The following ANXA2 variants were observed in gnomAD, a reference collection of about 807,000 sequenced individuals.
The protein encoded by ANXA2 is annexin A2.
In ANXA2, 28 loss-of-function variants were observed where a neutral mutation model predicts 47.3. The observed-to-expected ratio is 0.59, with a 90% CI of 0.44 to 0.81. The LOEUF is 0.81. ANXA2 is among the 40% of genes least tolerant of loss of function. The pLI, the probability that ANXA2 is intolerant of heterozygous loss-of-function variation, is 0.00. For synonymous variants in ANXA2, 172 were observed against 155.5 expected (o/e 1.11, Z -0.79); for missense variants, 384 against 414.3 (o/e 0.93, Z 0.64).
chr15:60,394,895 G>T (rs1213487354), intron 1 of ANXA2, among the ~76,000 whole-genome samples: 2 of 152,132 alleles, frequency 1.3e-5, no homozygotes, highest in African/African-American at 4.8e-5. Flanking sequence ...GCAGTGAATG[G>T]GTGGAAAGAA....
chr15:60,395,651 A>G (rs760198285), intron 1 of ANXA2: 1 of 152,232 alleles, frequency 6.6e-6, no homozygotes, highest in Non-Finnish European at 1.5e-5. Flanking sequence ...GCCTAATGTC[A>G]ATCAATACCA....
At chr15:60,368,298 G>C (rs1175276989) in intron 3 of ANXA2, among the ~76,000 whole-genome samples, 3 of 64,084 alleles carry the variant, frequency 4.7e-5, no homozygotes, top group South Asian at 6.0e-4. Context: ...AAACACCCAA[G>C]AATGATCAAT....
intron 3 of ANXA2, among the ~76,000 whole-genome samples, chr15:60,379,660 C>A (rs1177791019): frequency 1.3e-5 from 2 of 152,184 alleles, no homozygotes; most frequent in Non-Finnish European, 2.9e-5. Context: ...AACACTACAT[C>A]AGAGGTTACT....
intron 2 of ANXA2, chr15:60,382,657 T>C (rs527246719): frequency 2.1e-4 from 83 of 391,322 alleles, no homozygotes; most frequent in African/African-American, 1.5e-3. Flanking sequence ...GTTTAGAATA[T>C]GCTGTCTCAA....
intron 3 of ANXA2, among the ~76,000 whole-genome samples, chr15:60,368,314 AAAAAAAT>A (rs1234420803): frequency 6.2e-5 from 5 of 80,462 alleles, no homozygotes; most frequent in East Asian, 3.0e-4. Flanking sequence ...TCAATAAAAA[AAAAAAAT>A]AAAATAAAAT....
chr15:60,367,402 G>GGGT (rs1178300003), intron 3 of ANXA2, among the ~76,000 whole-genome samples: 3 of 63,370 alleles, frequency 4.7e-5, no homozygotes, highest in African/African-American at 2.4e-4. Flanking sequence ...GCGGGGGGGG[G>GGGT]TCGGCCAGCC....
At chr15:60,350,457 CA>C (rs1465308557) in intron 11 of ANXA2, among the ~76,000 whole-genome samples, 1 of 152,130 alleles carries the variant, frequency 6.6e-6, no homozygotes, top group Admixed American at 6.5e-5. Context: ...CAATAAAGAC[CA>C]CTGAGTTTAC....
chr15:60,376,283 G>A (rs1207707982), intron 3 of ANXA2, among the ~76,000 whole-genome samples: 1 of 152,160 alleles, frequency 6.6e-6, no homozygotes, highest in Non-Finnish European at 1.5e-5. Flanking sequence ...TCGGGAGGCT[G>A]AGGTAGGAGA....
chr15:60,397,428 C>T (rs2063095676), intron 1 of ANXA2: 1 of 580,846 alleles, frequency 1.7e-6, no homozygotes, highest in Non-Finnish European at 2.2e-6. Context: ...TCGTCTTCCC[C>T]CGCTACTTCC....
intron 5 of ANXA2, among the ~76,000 whole-genome samples, chr15:60,359,135 C>A (rs144337272): frequency 2.0e-5 from 3 of 152,012 alleles, no homozygotes; most frequent in Admixed American, 1.3e-4. Flanking sequence ...GGATTTTGGA[C>A]GGGTATTCAA....
At chr15:60,368,972 A>G (rs1160342334) in intron 3 of ANXA2, among the ~76,000 whole-genome samples, 2 of 152,110 alleles carry the variant, frequency 1.3e-5, no homozygotes, top group Non-Finnish European at 1.5e-5. Flanking sequence ...CCAAGAGGGG[A>G]TAGCTATTTC....
intron 12 of ANXA2, among the ~76,000 whole-genome samples, chr15:60,348,745 CAA>C (rs35692360): frequency 1.1e-4 from 13 of 119,802 alleles, no homozygotes; most frequent in African/African-American, 1.3e-4. Context: ...GACTCCGTCT[CAA>C]AAAAAAAAAA....
chr15:60,357,293 C>G, intron 5 of ANXA2, 57 bp from the exon 6 acceptor site: 1 of 1,390,510 alleles, frequency 7.2e-7, no homozygotes, highest in East Asian at 2.3e-5. Context: ...CATTAGCCTA[C>G]TTCTCTGATC....
At chr15:60,354,619 C>A (rs866498824) in intron 7 of ANXA2, among the ~76,000 whole-genome samples, 1,250 of 109,130 alleles carry the variant, frequency 0.011, no homozygotes, top group Middle Eastern at 0.015. Flanking sequence ...GACTCTGTCT[C>A]AAAAAAAAAA....
intron 1 of ANXA2, among the ~76,000 whole-genome samples, chr15:60,395,115 G>C (rs1595714790): frequency 6.6e-6 from 1 of 152,230 alleles, no homozygotes; most frequent in African/African-American, 2.4e-5. Context: ...GTTTAGGTCT[G>C]TGGAACAGCT....
intron 3 of ANXA2, among the ~76,000 whole-genome samples, chr15:60,374,215 T>C (rs2062747697): frequency 1.3e-5 from 2 of 152,232 alleles, no homozygotes; most frequent in African/African-American, 4.8e-5. Flanking sequence ...GCTGCTTTAA[T>C]AATCTAGAAC....
chr15:60,359,807 A>G lies in ANXA2; in HGVS notation c.357+1134T>C, dbSNP rs1183159478. On this transcript the variant is annotated intron_variant, in intron 5 of 12. Transcript: ENST00000451270. Reference sequence around the variant, plus strand: ...GACTCGGAATAAAAAATCAAGACCAATGGTTTCCCTCATCTACAGCGCAGA... The same window carrying G: ...GACTCGGAATAAAAAATCAAGACCAGTGGTTTCCCTCATCTACAGCGCAGA... Among the ~76,000 whole-genome samples the G allele has an allele frequency of 3.3e-5, 5 of 152,132 alleles. No homozygotes were observed. In the East Asian group the frequency reaches 7.7e-4, roughly 23 times the overall value.
intron 3 of ANXA2, among the ~76,000 whole-genome samples, chr15:60,382,035 G>A (rs1434356609): frequency 9.6e-6 from 1 of 104,664 alleles, no homozygotes; most frequent in Non-Finnish European, 1.8e-5. Context: ...AGGGAGGGAG[G>A]AAAGGAAAGA....
chr15:60,375,237 G>C (rs2062760952), intron 3 of ANXA2, among the ~76,000 whole-genome samples: 1 of 152,086 alleles, frequency 6.6e-6, no homozygotes, highest in Non-Finnish European at 1.5e-5. Context: ...TGAGAAAGGG[G>C]GGAGAAAAAT....
Sources: allele counts gnomAD v4.1 joint callset (sites outside exome capture counted in the v4.1 genomes callset), GRCh38; gene constraint gnomAD v4.1.1; transcripts MANE v1.5; gene names NCBI Gene and HGNC (gene_info 2026-07-23, HGNC 2026-07-21).